WDR27: variants seen among roughly 807,000 people sequenced by gnomAD.
WDR27 encodes WD repeat-containing protein 27.
WDR27 carries 100 observed loss-of-function variants against 114.4 expected under a neutral mutation model. That is an observed-to-expected ratio of 0.87 (90% CI 0.74 to 1.03). The LOEUF is 1.03. Ranked by LOEUF, WDR27 falls within the 50% of genes least tolerant of loss-of-function variation. The pLI, the probability that WDR27 is intolerant of heterozygous loss-of-function variation, is 0.00. For synonymous variants in WDR27, 449 were observed against 423.1 expected (o/e 1.06, Z -0.75); for missense variants, 1,129 against 1,092.9 (o/e 1.03, Z -0.47).
chr6:169,595,884 G>T (rs1806696482), intron 23 of WDR27, among the ~76,000 whole-genome samples: 1 of 148,996 alleles, frequency 6.7e-6, no homozygotes. Flanking sequence ...AAATTTAGCT[G>T]GATATTAAAA....
the WDR27 span, among the ~76,000 whole-genome samples, chr6:169,432,203 C>T: frequency 4.4e-3 from 667 of 152,284 alleles, 5 homozygotes; most frequent in African/African-American, 0.015. Flanking sequence ...GAAAGACAAT[C>T]GTTTTATTTT....
intron 25 of WDR27, among the ~76,000 whole-genome samples, chr6:169,520,298 C>G (rs890875960): frequency 6.6e-6 from 1 of 152,144 alleles, no homozygotes; most frequent in Admixed American, 6.6e-5. Context: ...TTTACTAGAA[C>G]TGAGGCAAAC....
intron 2 of WDR27, among the ~76,000 whole-genome samples, chr6:169,679,946 A>G (rs949043039): frequency 2.0e-5 from 3 of 152,266 alleles, no homozygotes; most frequent in Non-Finnish European, 2.9e-5. Flanking sequence ...CATTGTATAC[A>G]TGAGAACAAA....
At chr6:169,538,711 C>T (rs1177963416) in intron 25 of WDR27, among the ~76,000 whole-genome samples, 1 of 150,676 alleles carries the variant, frequency 6.6e-6, no homozygotes, top group Non-Finnish European at 1.5e-5. Flanking sequence ...AATACACACA[C>T]ACACACACAC....
Position 169,659,102 on chromosome 6 carries a change from G to A in WDR27, c.1303C>T (p.Leu435Phe), listed in dbSNP as rs750138973. 3 of 1,563,882 alleles carry A rather than the reference G, an allele frequency of 1.9e-6. No individual in the cohort carries two copies. The highest frequency in any genetic ancestry group is 2.6e-6 in the Non-Finnish European group (3 of 1,157,754). Residue 435 changes from leucine to phenylalanine, a missense_variant, in exon 12 of 26, where the codon CTC becomes TTC. Physicochemically the swap from Leu to Phe is conservative, Grantham distance 22. Coordinates refer to ENST00000448612, the MANE Select transcript of WDR27 (RefSeq NM_182552.5). The surrounding 1 kb of genome is among the most constrained non-coding windows in gnomAD (Gnocchi z 4.3). ...AQQCPSMGQS[L>F]SVPASSCVLP... ...ACACTCTACCTGGCTGGCACCGAGA[G>A]GCTCTGCCCCATGCTGGGGCACTGC... is the stretch of plus-strand genomic sequence containing the variant.
rs1232602301 is a variant in WDR27, at chr6:169,672,368, G to A, written c.218C>T (p.Pro73Leu). The change falls in exon 3 of 26, where the codon CCA becomes CTA. Residue 73 changes from proline (P) to leucine (L), a missense_variant. Physicochemically the swap from Pro to Leu is moderately conservative, Grantham distance 98 (BLOSUM62 -3). Transcript: ENST00000448612. ...ATTTCCAAAAGCCATAGCAGTAATT[G>A]GCTGATGGTGTCCTCGTAGGATTAG... ...QLLILRGHHQ[P>L]ITAMAFGNKV... 1.2e-6 allele frequency: 2 copies of A among 1,609,746 alleles called. No individual in the cohort carries two copies. The highest frequency in any genetic ancestry group is 2.2e-5 in the East Asian group (1 of 44,836).
At chr6:169,441,761 A>G in the WDR27 span, among the ~76,000 whole-genome samples, 1 of 152,138 alleles carries the variant, frequency 6.6e-6, no homozygotes, top group Non-Finnish European at 1.5e-5. Context: ...TTCTAAGAAG[A>G]CCCTTAATCT....
chr6:169,670,750 A>G, intron 3 of WDR27, 57 bp from the exon 4 acceptor site: 1 of 1,595,450 alleles, frequency 6.3e-7, no homozygotes, highest in Non-Finnish European at 8.6e-7. Context: ...CATTACATTA[A>G]TCTGAGAAAA....
chr6:169,634,525 T>C lies in WDR27; in HGVS notation c.2004A>G (p.Arg668=), dbSNP rs1302939724. The C allele has an allele frequency of 1.2e-6, 2 of 1,604,946 alleles. No homozygotes were observed. The highest frequency in any genetic ancestry group is 1.7e-6 in the Non-Finnish European group (2 of 1,174,882). Residue 668 remains arginine (R), a splice_region_variant and synonymous_variant, in exon 20 of 26, where the codon AGA becomes AGG. Transcript: ENST00000448612. ...GCTTGGACTTGCTCTTCTGTTTATATCTGGAAGAGAAAATCAAGATGATCA... is the reference window on the plus strand; with the variant it reads ...GCTTGGACTTGCTCTTCTGTTTATACCTGGAAGAGAAAATCAAGATGATCA... ...HIDTCKDEIK[R]YKQKSKSKLI...
At chr6:169,655,800 A>G (rs969050860) in intron 13 of WDR27, among the ~76,000 whole-genome samples, 2 of 151,548 alleles carry the variant, frequency 1.3e-5, no homozygotes, top group Non-Finnish European at 2.9e-5. Flanking sequence ...GCTCACTGCA[A>G]CCTCCACCTC....
chr6:169,665,622 T>A, intron 6 of WDR27, 66 bp from the exon 7 acceptor site: 1 of 1,436,424 alleles, frequency 7.0e-7, no homozygotes. Flanking sequence ...CCGAGAACTG[T>A]CAGTTTTACT....
intron 25 of WDR27, among the ~76,000 whole-genome samples, chr6:169,484,666 A>C (rs1347419513): frequency 6.6e-6 from 1 of 152,228 alleles, no homozygotes; most frequent in Non-Finnish European, 1.5e-5. Flanking sequence ...AACTGGAAAA[A>C]AACTATTTTA....
chr6:169,626,027 GA>G (rs1814717558), intron 21 of WDR27, among the ~76,000 whole-genome samples: 1 of 152,232 alleles, frequency 6.6e-6, no homozygotes, highest in South Asian at 2.1e-4. Flanking sequence ...GTAAGAACGA[GA>G]AAGTGGTACA....
Position 169,687,010 on chromosome 6 carries a change from G to C in WDR27, c.189+1807C>G, listed in dbSNP as rs184179389. Among the ~76,000 whole-genome samples, 421 of 152,180 alleles carry C rather than the reference G, an allele frequency of 2.8e-3. 4 individuals are homozygous for C. Among genetic ancestry groups the C allele is most frequent in the Non-Finnish European group, 1.9e-3 (130 of 67,966 alleles). On this transcript the variant is annotated intron_variant, in intron 2 of 25. Transcript: ENST00000448612. ...GGAAGGGAATTGGGGAGAGTGAAAA[G>C]AAGTGAGAGAAGGGATAAAAAATAC...
chr6:169,638,383 GCAATAACTTTTAAT>G (rs1818272370), intron 18 of WDR27, among the ~76,000 whole-genome samples, 142 bp downstream of exon 18: 1 of 142,340 alleles, frequency 7.0e-6, no homozygotes. Flanking sequence ...TTGCATTGAA[GCAATAACTTTTAAT>G]CAGTAACTTT....
chr6:169,667,178 G>C lies in WDR27; in HGVS notation c.670C>G (p.His224Asp), dbSNP rs754283141. ...SEDRGFKVWD[H>D]CTGSLIYSSS... ...CTGTATATTAATGATCCTGTACAAT[G>C]GTCCCAGACCTTTGGATAAACACAG... The change falls in exon 6 of 26, where the codon CAT becomes GAT. Residue 224 changes from histidine to aspartate, a missense_variant. By Grantham distance (81) the His-to-Asp change is moderately conservative. Transcript: ENST00000448612. 9.2e-6 allele frequency: 14 copies of C among 1,526,234 alleles called. No homozygotes were observed. In the South Asian group the frequency reaches 1.9e-4, roughly 20 times the overall value. 94.5% of individuals were successfully genotyped at this position (1,526,234 alleles called of 1,614,324 possible). A position where few individuals can be genotyped will look rare whatever the true frequency, so the allele number is the denominator to read the frequency against.
chr6:169,426,977 G>A, the WDR27 span: 2 of 148,972 alleles, frequency 1.3e-5, no homozygotes, highest in African/African-American at 4.9e-5. Context: ...GGGCAGTGGG[G>A]GGGGGGTGGC....
chr6:169,506,845 T>C (rs1362748634), intron 25 of WDR27, among the ~76,000 whole-genome samples: 2 of 152,230 alleles, frequency 1.3e-5, no homozygotes, highest in East Asian at 1.9e-4. Context: ...AACTTCCATA[T>C]GTGTTCTTCT....
chr6:169,653,349 TG>T (rs1468196954), intron 13 of WDR27, among the ~76,000 whole-genome samples: 8 of 152,206 alleles, frequency 5.3e-5, no homozygotes, highest in Non-Finnish European at 8.8e-5. Context: ...TTTTTTACAT[TG>T]CACAACAATG....
Sources: allele counts gnomAD v4.1 joint callset (sites outside exome capture counted in the v4.1 genomes callset), GRCh38; gene constraint gnomAD v4.1.1; non-coding constraint Gnocchi (gnomAD v3.1); transcripts MANE v1.5; gene names NCBI Gene and HGNC (gene_info 2026-07-23, HGNC 2026-07-21).